The following CNTN5 variants were observed in gnomAD, a reference collection of about 807,000 sequenced individuals.
CNTN5 encodes the protein contactin-5.
A neutral mutation model predicts 129.1 loss-of-function variants in CNTN5; 77 were observed. That is an observed-to-expected ratio of 0.60 (90% CI 0.50 to 0.72). The LOEUF is 0.72. Among genes scored for constraint, CNTN5 ranks in the 30% least tolerant of loss-of-function variants. The probability of loss-of-function intolerance (pLI) is 0.00; values close to 1 mark genes in which losing one functional copy is unlikely to be tolerated. For missense variants in CNTN5, 1,478 were observed against 1,328.8 expected, an observed-to-expected ratio of 1.11 and a Z score of -1.75; for synonymous variants, 509 against 465.6, an observed-to-expected ratio of 1.09 and a Z score of -1.20.
chr11:100,193,242 T>A (rs948146107), intron 14 of CNTN5, among the ~76,000 whole-genome samples: 1 of 151,956 alleles, frequency 6.6e-6, no homozygotes, highest in African/African-American at 2.4e-5. Flanking sequence ...GGTAGTCTCT[T>A]GTCTTTTTAA....
Position 99,961,212 on chromosome 11 carries a change from A to AAAAC in CNTN5, c.877+4206_877+4207insCAAA, listed in dbSNP as rs1555167361. Among the ~76,000 whole-genome samples, 27 of 142,180 alleles carry AAAAC rather than the reference A, an allele frequency of 1.9e-4. No individual in the cohort carries two copies. The East Asian group carries it at 5.5e-3, about 29-fold the overall frequency. The allele number at this position is 142,180 out of a possible 152,430, so 93.3% of individuals were successfully genotyped here. A position where few individuals can be genotyped will look rare whatever the true frequency, so the allele number is the denominator to read the frequency against. ...AGAGTGAGACTCCGTCTCAGAAAAA[A>AAAAC]AAAAAAAAAAAAACAGTAGAATATA... On this transcript the variant is annotated intron_variant, in intron 8 of 24. Transcript: ENST00000524871.
At chr11:99,196,099 AG>A (rs1424599936) in intron 1 of CNTN5, among the ~76,000 whole-genome samples, 4 of 151,968 alleles carry the variant, frequency 2.6e-5, no homozygotes, top group Non-Finnish European at 5.9e-5. Context: ...AGGTAAAGAA[AG>A]GTTAAAAGTG....
At chr11:99,376,042 A>AAACTT in intron 2 of CNTN5, among the ~76,000 whole-genome samples, 1 of 152,362 alleles carries the variant, frequency 6.6e-6, no homozygotes, top group East Asian at 1.9e-4. Flanking sequence ...ATATATCAAA[A>AAACTT]GCACCAAAAA....
intron 2 of CNTN5, among the ~76,000 whole-genome samples, chr11:99,351,712 A>G (rs546064661): frequency 1.3e-3 from 200 of 152,312 alleles, no homozygotes; most frequent in African/African-American, 4.6e-3. Context: ...CCAGTGAACT[A>G]CTATATAAAT....
At chr11:99,591,094 C>G (rs560917572) in intron 3 of CNTN5, among the ~76,000 whole-genome samples, 2 of 152,230 alleles carry the variant, frequency 1.3e-5, no homozygotes, top group South Asian at 4.1e-4. Flanking sequence ...TGTAACATCT[C>G]CACGTTGGCC....
intron 2 of CNTN5, among the ~76,000 whole-genome samples, chr11:99,357,046 G>A (rs1021166261): frequency 6.6e-6 from 1 of 152,224 alleles, no homozygotes; most frequent in Non-Finnish European, 1.5e-5. Flanking sequence ...TTTTTCTTTA[G>A]TATAATGTTA....
intron 23 of CNTN5, among the ~76,000 whole-genome samples, chr11:100,345,635 A>G (rs1952263441): frequency 6.6e-6 from 1 of 152,106 alleles, no homozygotes; most frequent in Non-Finnish European, 1.5e-5. Flanking sequence ...CAAAGTGACC[A>G]AGAATATCAT....
At chr11:99,984,414 A>G (rs1218322217) in intron 8 of CNTN5, among the ~76,000 whole-genome samples, 1 of 152,152 alleles carries the variant, frequency 6.6e-6, no homozygotes, top group Non-Finnish European at 1.5e-5. Flanking sequence ...AGAAACCACG[A>G]TGGGGAATCT....
At chr11:99,832,036 C>T (rs72991303) in intron 4 of CNTN5, among the ~76,000 whole-genome samples, 8,356 of 152,170 alleles carry the variant, frequency 0.055, 251 homozygotes, top group Middle Eastern at 0.068. Flanking sequence ...CTTCTTGAAC[C>T]ACCACTGTGC....
intron 3 of CNTN5, among the ~76,000 whole-genome samples, chr11:99,725,765 T>C (rs894849524): frequency 6.6e-6 from 1 of 152,168 alleles, no homozygotes; most frequent in African/African-American, 2.4e-5. Flanking sequence ...AGGTCATTAG[T>C]TGTGCCCTGC....
intron 3 of CNTN5, among the ~76,000 whole-genome samples, chr11:99,729,321 T>C (rs1455384581): frequency 6.6e-6 from 1 of 152,066 alleles, no homozygotes; most frequent in Admixed American, 6.6e-5. Flanking sequence ...ACCTTTAGGT[T>C]TGTGGGCACA....
In CNTN5 at chr11:99,910,550, C is replaced by G. The variant is rs1334187188; in HGVS notation, c.578-5504C>G. 6.8e-4 allele frequency among the ~76,000 whole-genome samples: 104 copies of G among 151,976 alleles called. 1 individual carries two copies. The highest frequency in any genetic ancestry group is 2.9e-5 in the Non-Finnish European group (2 of 67,966). ...CCTAAAATTAGTGTGGTTTAACTTC[C>G]AAACATTGAATTGCTTTTGTCCTGG... On this transcript the variant is annotated intron_variant, in intron 6 of 24. Coordinates refer to ENST00000524871, the MANE Select transcript of CNTN5 (RefSeq NM_014361.4).
chr11:99,904,143 A>G (rs1208515528), intron 6 of CNTN5, among the ~76,000 whole-genome samples: 2 of 152,130 alleles, frequency 1.3e-5, no homozygotes, highest in African/African-American at 4.8e-5. Flanking sequence ...TATGCTTTTT[A>G]TTATACGTTA....
intron 2 of CNTN5, among the ~76,000 whole-genome samples, chr11:99,420,643 T>A (rs998316836): frequency 1.5e-4 from 23 of 152,112 alleles, no homozygotes; most frequent in African/African-American, 5.3e-4. Context: ...GTGGAAAGGA[T>A]TAAATAAGAT....
intron 3 of CNTN5, among the ~76,000 whole-genome samples, chr11:99,735,300 G>C (rs571916524): frequency 6.6e-6 from 1 of 152,242 alleles, no homozygotes; most frequent in East Asian, 1.9e-4. Context: ...TCCTCCAGTT[G>C]TCTTGAGTTT....
chr11:99,144,106 A>G (rs7130482), intron 1 of CNTN5, among the ~76,000 whole-genome samples: 85,144 of 152,046 alleles, frequency 0.56, 24,491 homozygotes, highest in African/African-American at 0.69. Flanking sequence ...CATATGAAAT[A>G]CATTATTTTT....
intron 9 of CNTN5, among the ~76,000 whole-genome samples, chr11:100,037,401 T>A (rs1447938130): frequency 6.6e-6 from 1 of 152,096 alleles, no homozygotes; most frequent in Non-Finnish European, 1.5e-5. Flanking sequence ...TGCATCAATG[T>A]TCATCAAGGA....
At chr11:99,520,778 T>C (rs1818634189) in intron 2 of CNTN5, among the ~76,000 whole-genome samples, 1 of 152,052 alleles carries the variant, frequency 6.6e-6, no homozygotes, top group Admixed American at 6.6e-5. Context: ...TCCAAAAATT[T>C]TTTACCAAAA....
intron 1 of CNTN5, among the ~76,000 whole-genome samples, chr11:99,246,730 A>T (rs539217594): frequency 1.2e-4 from 18 of 152,274 alleles, no homozygotes; most frequent in Middle Eastern, 3.4e-3. Flanking sequence ...TTTATTTTGC[A>T]AACTGACTGA....
Sources: gnomAD v4.1 joint callset for allele counts (sites outside exome capture counted in the v4.1 genomes callset) on GRCh38, gnomAD v4.1.1 for gene constraint, MANE v1.5 for transcripts, NCBI Gene and HGNC (gene_info 2026-07-23, HGNC 2026-07-21) for gene names.